Variants in METTL15 observed in about 807,000 individuals in gnomAD.
The protein encoded by METTL15 is methyltransferase 15, mitochondrial 12S rRNA N4-cytidine.
In METTL15, 34 loss-of-function variants were observed where a neutral mutation model predicts 38.3. The ratio of observed to expected loss-of-function variants is 0.89; its 90% CI spans 0.68 to 1.18. The LOEUF is 1.18. Among genes scored for constraint, METTL15 ranks in the 50% most tolerant of loss-of-function variants. The probability of loss-of-function intolerance (pLI) is 0.00; values close to 1 mark genes in which losing one functional copy is unlikely to be tolerated. For synonymous variants in METTL15, 162 were observed against 170.9 expected, an observed-to-expected ratio of 0.95 and a Z score of 0.41; for missense variants, 438 against 498.4, an observed-to-expected ratio of 0.88 and a Z score of 1.15.
chr11:28,438,672 C>CTT (rs1171439330), intron 6 of METTL15, among the ~76,000 whole-genome samples: 112 of 128,214 alleles, frequency 8.7e-4, no homozygotes, highest in African/African-American at 1.1e-3. Context: ...TTTCTTTTTT[C>CTT]TTTTTTTTTT....
chr11:28,250,325 T>A (rs945421106), intron 4 of METTL15, among the ~76,000 whole-genome samples: 2 of 152,114 alleles, frequency 1.3e-5, no homozygotes, highest in African/African-American at 4.8e-5. Flanking sequence ...GCTAAACTAA[T>A]TTACATTACC....
At chr11:28,385,954 G>A (rs1030674774) in intron 5 of METTL15, among the ~76,000 whole-genome samples, 1 of 151,916 alleles carries the variant, frequency 6.6e-6, no homozygotes, top group Non-Finnish European at 1.5e-5. Flanking sequence ...TTATGTTAAT[G>A]GATACAAAAT....
intron 4 of METTL15, among the ~76,000 whole-genome samples, chr11:28,357,924 G>A (rs1247907224): frequency 6.6e-6 from 1 of 151,956 alleles, no homozygotes; most frequent in African/African-American, 2.4e-5. Context: ...GGCAGAATTT[G>A]GGCCCCCATG....
At chr11:28,409,207 C>G (rs1420315784) in intron 5 of METTL15, among the ~76,000 whole-genome samples, 2 of 151,322 alleles carry the variant, frequency 1.3e-5, no homozygotes, top group African/African-American at 2.4e-5. Flanking sequence ...ATGGTGAAAC[C>G]CCGTCTCTAC....
intron 6 of METTL15, among the ~76,000 whole-genome samples, chr11:28,513,029 C>T (rs1432030556): frequency 6.6e-6 from 1 of 152,192 alleles, no homozygotes; most frequent in Admixed American, 6.5e-5. Flanking sequence ...AGAAAATTTG[C>T]ATGTAAGTGG....
chr11:28,283,335 C>A (rs1023717639), intron 4 of METTL15, among the ~76,000 whole-genome samples: 1 of 152,146 alleles, frequency 6.6e-6, no homozygotes, highest in African/African-American at 2.4e-5. Context: ...CCTTTTATAT[C>A]AAGCACCTTA....
chr11:28,284,197 G>A (rs1590261372), intron 4 of METTL15, among the ~76,000 whole-genome samples: 1 of 152,084 alleles, frequency 6.6e-6, no homozygotes, highest in South Asian at 2.1e-4. Flanking sequence ...TTGTGGTGGT[G>A]CATCATTTTT....
chr11:28,466,761 T>G (rs1851260644), intron 6 of METTL15, among the ~76,000 whole-genome samples: 1 of 152,104 alleles, frequency 6.6e-6, no homozygotes, highest in Non-Finnish European at 1.5e-5. Flanking sequence ...TAGTTTATCC[T>G]TTTAGGAGGG....
At chr11:28,376,111 T>C (rs1850308343) in intron 5 of METTL15, among the ~76,000 whole-genome samples, 1 of 151,706 alleles carries the variant, frequency 6.6e-6, no homozygotes, top group Non-Finnish European at 1.5e-5. Context: ...TTGGAATAGG[T>C]GTGGTGTGGT....
chr11:28,501,608 C>T (rs1035481327), intron 6 of METTL15, among the ~76,000 whole-genome samples: 3 of 152,120 alleles, frequency 2.0e-5, no homozygotes, highest in East Asian at 1.9e-4. Flanking sequence ...CACACCGTCA[C>T]GGAAGATACC....
chr11:28,365,670 T>C (rs1432134701), intron 5 of METTL15, among the ~76,000 whole-genome samples: 1 of 152,218 alleles, frequency 6.6e-6, no homozygotes, highest in East Asian at 1.9e-4. Context: ...TGAGGAATAC[T>C]TGAATTGGCA....
At chr11:28,337,025 C>T (rs959938974), downstream of METTL15, among the ~76,000 whole-genome samples, 2 of 151,786 alleles carry the variant, frequency 1.3e-5, no homozygotes, top group East Asian at 1.9e-4. Flanking sequence ...ACCCTATGTA[C>T]ATCTAGGCTA....
intron 6 of METTL15, among the ~76,000 whole-genome samples, chr11:28,426,947 C>T (rs766696208): frequency 3.3e-5 from 5 of 152,018 alleles, no homozygotes; most frequent in African/African-American, 4.8e-5. Context: ...AATTAGATCC[C>T]ATTTGTGAAT....
chr11:28,419,219 G>A (rs962929656), intron 5 of METTL15, among the ~76,000 whole-genome samples: 1 of 152,228 alleles, frequency 6.6e-6, no homozygotes, highest in Admixed American at 6.5e-5. Context: ...GTCTGACCCA[G>A]TGCAGTCCCA....
At chr11:28,184,780 TTAAATAA>T (rs1451220286) in intron 3 of METTL15, among the ~76,000 whole-genome samples, 6 of 151,526 alleles carry the variant, frequency 4.0e-5, no homozygotes, top group African/African-American at 1.5e-4. Context: ...AAGGAAAATG[TTAAATAA>T]TAAGGACTAG....
At chr11:28,453,065 C>T (rs1456583439) in intron 6 of METTL15, among the ~76,000 whole-genome samples, 1 of 152,228 alleles carries the variant, frequency 6.6e-6, no homozygotes, top group Admixed American at 6.5e-5. Context: ...TGGATCCCTA[C>T]ATCATGCCAC....
intron 6 of METTL15, among the ~76,000 whole-genome samples, chr11:28,297,227 A>G (rs770317649): frequency 6.6e-6 from 1 of 152,092 alleles, no homozygotes; most frequent in Non-Finnish European, 1.5e-5. Context: ...TTTACACAGG[A>G]TAATTTATCA....
intron 3 of METTL15, among the ~76,000 whole-genome samples, chr11:28,185,107 G>C (rs1487854516): frequency 6.6e-6 from 1 of 151,384 alleles, no homozygotes; most frequent in Non-Finnish European, 1.5e-5. Context: ...TTCTAATTTT[G>C]AAGTCAATCT....
intron 3 of METTL15, among the ~76,000 whole-genome samples, chr11:28,149,725 G>A (rs775074680): frequency 1.3e-5 from 2 of 151,686 alleles, no homozygotes; most frequent in African/African-American, 4.8e-5. Context: ...AAACCGAACT[G>A]GTATATGACT....
Sources: gnomAD v4.1 joint callset for allele counts (sites outside exome capture counted in the v4.1 genomes callset) on GRCh38, gnomAD v4.1.1 for gene constraint, MANE v1.5 for transcripts, NCBI Gene and HGNC (gene_info 2026-07-23, HGNC 2026-07-21) for gene names.